Variants in CSMD1 observed in about 807,000 individuals in gnomAD.
CSMD1 encodes the protein CUB and Sushi multiple domains 1.
A neutral mutation model predicts 417.5 loss-of-function variants in CSMD1; 213 were observed. The observed-to-expected ratio is 0.51, with a 90% CI of 0.46 to 0.57. CSMD1 has a LOEUF of 0.57. Ranked by LOEUF, CSMD1 falls within the 20% of genes least tolerant of loss-of-function variation. The probability of loss-of-function intolerance (pLI) is 0.00; values close to 1 mark genes in which losing one functional copy is unlikely to be tolerated. For missense variants in CSMD1, 6,923 were observed against 4,529.7 expected (o/e 1.53, Z -15.17); for synonymous variants, 2,862 against 1,736.8 (o/e 1.65, Z -16.11).
chr8:4,630,492 C>T (rs1006439567), intron 2 of CSMD1, among the ~76,000 whole-genome samples: 4 of 152,076 alleles, frequency 2.6e-5, no homozygotes, highest in South Asian at 4.1e-4. Context: ...AAACAAAAAA[C>T]AAAAACAAAA....
intron 1 of CSMD1, among the ~76,000 whole-genome samples, chr8:4,864,716 T>G (rs1329512739): frequency 1.3e-5 from 2 of 151,820 alleles, no homozygotes; most frequent in Non-Finnish European, 2.9e-5. Context: ...TACCTTTGAA[T>G]TTTAAAAAAT....
At chr8:4,222,281 G>A (rs530359573) in intron 3 of CSMD1, among the ~76,000 whole-genome samples, 66 of 152,156 alleles carry the variant, frequency 4.3e-4, no homozygotes, top group African/African-American at 9.9e-4. Flanking sequence ...ATTTTCCCAG[G>A]TATTGCTTTT....
intron 2 of CSMD1, among the ~76,000 whole-genome samples, chr8:4,483,596 A>G (rs1045965900): frequency 2.0e-5 from 3 of 152,238 alleles, no homozygotes; most frequent in Non-Finnish European, 4.4e-5. Flanking sequence ...TTCATTTTCA[A>G]TACAAGCATA....
intron 3 of CSMD1, among the ~76,000 whole-genome samples, chr8:4,180,410 C>G (rs1189730778): frequency 1.6e-5 from 2 of 127,888 alleles, no homozygotes; most frequent in Non-Finnish European, 3.1e-5. Context: ...GGGAACATCA[C>G]ACTCTGGGGA....
intron 26 of CSMD1, among the ~76,000 whole-genome samples, chr8:3,281,129 C>G (rs551735164): frequency 1.3e-5 from 2 of 152,018 alleles, no homozygotes. Flanking sequence ...TGAAGCAACC[C>G]GTATGTCCTT....
At chr8:4,332,586 C>G (rs1799930502) in intron 3 of CSMD1, among the ~76,000 whole-genome samples, 1 of 142,196 alleles carries the variant, frequency 7.0e-6, no homozygotes. Flanking sequence ...CACACACACA[C>G]ACACACACAC....
chr8:4,893,316 A>C (rs976890673), intron 1 of CSMD1, among the ~76,000 whole-genome samples: 1 of 152,020 alleles, frequency 6.6e-6, no homozygotes, highest in Admixed American at 6.6e-5. Context: ...CTGTAGAGTA[A>C]TCCATTATTT....
chr8:4,599,511 T>G (rs1030931564), intron 2 of CSMD1, among the ~76,000 whole-genome samples: 1 of 145,110 alleles, frequency 6.9e-6, no homozygotes, highest in African/African-American at 2.5e-5. Flanking sequence ...AAACCATCAG[T>G]TTTTTTTTTT....
At chr8:4,975,264 C>G (rs1010750663) in intron 1 of CSMD1, among the ~76,000 whole-genome samples, 3 of 152,118 alleles carry the variant, frequency 2.0e-5, no homozygotes, top group African/African-American at 7.2e-5. Flanking sequence ...TTTCAACTTA[C>G]GCTTATTAAA....
chr8:4,467,320 A>G (rs1477901319), intron 2 of CSMD1, among the ~76,000 whole-genome samples: 1 of 152,110 alleles, frequency 6.6e-6, no homozygotes, highest in African/African-American at 2.4e-5. Context: ...TATACAGATT[A>G]TTTAATTGAC....
intron 2 of CSMD1, among the ~76,000 whole-genome samples, chr8:4,537,732 G>A (rs997942116): frequency 9.9e-5 from 15 of 152,194 alleles, no homozygotes; most frequent in African/African-American, 1.4e-4. Context: ...GCGAAGCCAC[G>A]GGAATACGCA....
chr8:3,116,581 A>G (rs1816884398), intron 42 of CSMD1, among the ~76,000 whole-genome samples: 1 of 152,194 alleles, frequency 6.6e-6, no homozygotes, highest in Non-Finnish European at 1.5e-5. Flanking sequence ...AGATGGTGTT[A>G]TATACCATGT....
intron 6 of CSMD1, among the ~76,000 whole-genome samples, chr8:3,752,454 A>G (rs1797389982): frequency 6.6e-6 from 1 of 152,070 alleles, no homozygotes; most frequent in South Asian, 2.1e-4. Flanking sequence ...CAGGAGTTCA[A>G]GACCAGCCTG....
chr8:3,533,439 A>T (rs564208526), intron 10 of CSMD1, among the ~76,000 whole-genome samples: 2 of 152,202 alleles, frequency 1.3e-5, no homozygotes, highest in African/African-American at 4.8e-5. Flanking sequence ...AGCGTCTATG[A>T]GTTTAACTCC....
chr8:3,546,940 G>C (rs531141914), intron 10 of CSMD1, among the ~76,000 whole-genome samples: 14 of 152,342 alleles, frequency 9.2e-5, no homozygotes, highest in Non-Finnish European at 1.6e-4. Flanking sequence ...GGATATCAGA[G>C]GTCTTGAGCT....
intron 3 of CSMD1, among the ~76,000 whole-genome samples, chr8:4,161,502 G>C (rs954310764): frequency 6.6e-6 from 1 of 152,096 alleles, no homozygotes; most frequent in African/African-American, 2.4e-5. Flanking sequence ...AAAAGAAAAA[G>C]GACTGAACCC....
chr8:3,717,161 T>G (rs1801886897), intron 6 of CSMD1, among the ~76,000 whole-genome samples: 1 of 152,198 alleles, frequency 6.6e-6, no homozygotes, highest in South Asian at 2.1e-4. Flanking sequence ...AATTTTTATT[T>G]TCGTCGATAA....
rs117951795 is a variant in CSMD1, at chr8:4,216,732, G to A, written c.416-184633C>T. Among the ~76,000 whole-genome samples, 949 of 152,282 alleles carry A rather than the reference G, an allele frequency of 6.2e-3. 6 individuals carry two copies. The highest frequency in any genetic ancestry group is 0.011 in the Non-Finnish European group (736 of 68,032). On this transcript the variant is annotated intron_variant, in intron 3 of 69. Coordinates refer to ENST00000635120, the MANE Select transcript of CSMD1 (RefSeq NM_033225.6). ...GGAGGAGGGGGTATAAACGAATGGA[G>A]ATGTTTTAAGACCTTTAAAATTACC...
intron 11 of CSMD1, among the ~76,000 whole-genome samples, chr8:3,478,716 A>C (rs1817566680): frequency 1.3e-5 from 2 of 152,176 alleles, no homozygotes; most frequent in African/African-American, 4.8e-5. Flanking sequence ...GCAGCACCAC[A>C]GCAAATAAAA....
Sources: allele counts gnomAD v4.1 joint callset (sites outside exome capture counted in the v4.1 genomes callset), GRCh38; gene constraint gnomAD v4.1.1; transcripts MANE v1.5; gene names NCBI Gene and HGNC (gene_info 2026-07-23, HGNC 2026-07-21).